CSMD1: variants seen among roughly 807,000 people sequenced by gnomAD.
CSMD1 encodes CUB and sushi domain-containing protein 1.
In CSMD1, 213 loss-of-function variants were observed where a neutral mutation model predicts 417.5. The ratio of observed to expected loss-of-function variants is 0.51; its 90% confidence interval spans 0.46 to 0.57. The LOEUF is 0.57. CSMD1 is among the 20% of genes least tolerant of loss of function. CSMD1 has a pLI of 0.00. For synonymous variants in CSMD1, 2,862 were observed against 1,736.8 expected, an observed-to-expected ratio of 1.65 and a Z score of -16.11; for missense variants, 6,923 against 4,529.7, an observed-to-expected ratio of 1.53 and a Z score of -15.17.
At chr8:4,251,967 G>C (rs559223671) in intron 3 of CSMD1, among the ~76,000 whole-genome samples, 1 of 152,080 alleles carries the variant, frequency 6.6e-6, no homozygotes, top group African/African-American at 2.4e-5. Context: ...ATGTTCAATG[G>C]AGGTAAGGAG....
chr8:4,772,407 G>A (rs1022806789), intron 1 of CSMD1, among the ~76,000 whole-genome samples: 3 of 152,176 alleles, frequency 2.0e-5, no homozygotes, highest in African/African-American at 4.8e-5. Context: ...GGTCCACCCT[G>A]ATAATCCAGA....
At chr8:4,197,879 A>C (rs1799430447) in intron 3 of CSMD1, among the ~76,000 whole-genome samples, 1 of 152,142 alleles carries the variant, frequency 6.6e-6, no homozygotes, top group African/African-American at 2.4e-5. Context: ...ACTCCATCTA[A>C]AAGTTAAGAA....
chr8:3,740,121 T>C (rs559351458), intron 6 of CSMD1, among the ~76,000 whole-genome samples: 5 of 152,280 alleles, frequency 3.3e-5, no homozygotes, highest in Non-Finnish European at 7.3e-5. Flanking sequence ...ATTTTTCTTT[T>C]TGAGATGGAG....
intron 2 of CSMD1, among the ~76,000 whole-genome samples, chr8:4,546,922 T>C (rs548314665): frequency 6.6e-6 from 1 of 152,204 alleles, no homozygotes; most frequent in South Asian, 2.1e-4. Flanking sequence ...ATCCCTGAGA[T>C]GTTGATTCTC....
At chr8:4,189,758 T>C (rs1798903419) in intron 3 of CSMD1, among the ~76,000 whole-genome samples, 1 of 152,156 alleles carries the variant, frequency 6.6e-6, no homozygotes, top group Non-Finnish European at 1.5e-5. Flanking sequence ...TGATAAATTA[T>C]GAAGATTAAA....
intron 3 of CSMD1, among the ~76,000 whole-genome samples, chr8:4,075,648 A>C (rs1368972474): frequency 2.6e-5 from 4 of 152,136 alleles, no homozygotes; most frequent in African/African-American, 9.7e-5. Flanking sequence ...GTGTTGGGGA[A>C]ATTGTCTTGA....
chr8:4,444,376 A>T (rs1361197260), intron 2 of CSMD1, among the ~76,000 whole-genome samples: 1 of 142,354 alleles, frequency 7.0e-6, no homozygotes, highest in African/African-American at 2.6e-5. Context: ...AAAAAAAAAA[A>T]GCAGAGGTTC....
chr8:4,108,260 G>T (rs1801674089), intron 3 of CSMD1, among the ~76,000 whole-genome samples: 1 of 152,162 alleles, frequency 6.6e-6, no homozygotes, highest in Non-Finnish European at 1.5e-5. Context: ...AGGTTGAGTT[G>T]TTTCAAATGC....
intron 26 of CSMD1, among the ~76,000 whole-genome samples, chr8:3,232,616 C>G (rs1300973047): frequency 6.6e-6 from 1 of 152,196 alleles, no homozygotes; most frequent in Non-Finnish European, 1.5e-5. Context: ...TGGATTTTCA[C>G]TTCCAAACAG....
chr8:3,823,569 A>G (rs754478338), intron 5 of CSMD1, among the ~76,000 whole-genome samples: 57 of 152,194 alleles, frequency 3.7e-4, no homozygotes, highest in Non-Finnish European at 6.9e-4. Context: ...TTACAATTAT[A>G]ATGCAATGGA....
chr8:4,919,035 G>C (rs1037777419), intron 1 of CSMD1, among the ~76,000 whole-genome samples: 1 of 152,170 alleles, frequency 6.6e-6, no homozygotes, highest in Non-Finnish European at 1.5e-5. Context: ...GTGCAGGGAC[G>C]AATGTAACAG....
chr8:4,907,768 G>A (rs1301174547), intron 1 of CSMD1, among the ~76,000 whole-genome samples: 1 of 144,776 alleles, frequency 6.9e-6, no homozygotes, highest in South Asian at 2.2e-4. Flanking sequence ...GTCTTGCTTT[G>A]TTTCCCAGGC....
intron 6 of CSMD1, among the ~76,000 whole-genome samples, chr8:3,747,898 T>G (rs561532439): frequency 2.0e-4 from 31 of 152,302 alleles, no homozygotes; most frequent in Middle Eastern, 3.4e-3. Context: ...GTCCTCAGTG[T>G]GGCGAGCTCC....
chr8:3,342,522 T>C (rs1489743499), intron 23 of CSMD1, among the ~76,000 whole-genome samples: 3 of 152,252 alleles, frequency 2.0e-5, no homozygotes, highest in Admixed American at 6.5e-5. Context: ...CCACACCAAA[T>C]AGCTTTTTCT....
intron 6 of CSMD1, among the ~76,000 whole-genome samples, chr8:3,715,548 G>T (rs28451925): frequency 0.53 from 80,153 of 151,580 alleles, 21,459 homozygotes; most frequent in African/African-American, 0.61. Context: ...TTTTTATTTA[G>T]TTTTAGCTTT....
intron 5 of CSMD1, among the ~76,000 whole-genome samples, chr8:3,886,969 G>T (rs1370037268): frequency 6.6e-6 from 1 of 152,126 alleles, no homozygotes; most frequent in Non-Finnish European, 1.5e-5. Context: ...TCAGATAAAT[G>T]CATTATGAAC....
intron 1 of CSMD1, among the ~76,000 whole-genome samples, chr8:4,973,050 A>T (rs1810335853): frequency 6.6e-6 from 1 of 152,244 alleles, no homozygotes; most frequent in African/African-American, 2.4e-5. Flanking sequence ...AAGAAGGTAA[A>T]ATAATGCATA....
chr8:3,665,369 A>C (rs1427311765), intron 7 of CSMD1, among the ~76,000 whole-genome samples: 2 of 152,052 alleles, frequency 1.3e-5, no homozygotes, highest in African/African-American at 4.8e-5. Flanking sequence ...ATCTCTACTA[A>C]AATACAAAAA....
At chr8:4,497,640 G>T (rs930798581) in intron 2 of CSMD1, among the ~76,000 whole-genome samples, 1 of 152,122 alleles carries the variant, frequency 6.6e-6, no homozygotes, top group African/African-American at 2.4e-5. Flanking sequence ...GTAAGAATGG[G>T]AACTCGTGCC....
Sources: gnomAD v4.1 joint callset for allele counts (sites outside exome capture counted in the v4.1 genomes callset) on GRCh38, gnomAD v4.1.1 for gene constraint, MANE v1.5 for transcripts, NCBI Gene and HGNC (gene_info 2026-07-23, HGNC 2026-07-21) for gene names.